Variants in DOCK1 observed in about 807,000 individuals in gnomAD.
DOCK1 encodes the protein dedicator of cytokinesis protein 1.
A neutral mutation model predicts 262.7 loss-of-function variants in DOCK1; 138 were observed. The observed-to-expected ratio is 0.53, with a 90% confidence interval of 0.46 to 0.61. The LOEUF (loss-of-function observed/expected upper bound fraction) is 0.61, where lower values mean the gene tolerates loss of function less well. Ranked by LOEUF, DOCK1 falls within the 20% of genes least tolerant of loss-of-function variation. The pLI, the probability that DOCK1 is intolerant of heterozygous loss-of-function variation, is 0.00. For missense variants in DOCK1, 1,908 were observed against 2,370.7 expected, an observed-to-expected ratio of 0.80 and a Z score of 4.05; for synonymous variants, 866 against 867.4, an observed-to-expected ratio of 1.00 and a Z score of 0.03.
At chr10:126,946,920 G>C (rs972546473) in intron 1 of DOCK1, among the ~76,000 whole-genome samples, 3 of 152,274 alleles carry the variant, frequency 2.0e-5, no homozygotes, top group Admixed American at 1.3e-4. Context: ...GGTCACAGCG[G>C]ACAGGCTCAC....
intron 25 of DOCK1, among the ~76,000 whole-genome samples, chr10:127,125,262 A>G (rs2049876222): frequency 6.6e-6 from 1 of 152,234 alleles, no homozygotes; most frequent in African/African-American, 2.4e-5. Flanking sequence ...ATACACACAT[A>G]GATGCATGGA....
At chr10:127,032,417 C>A in intron 18 of DOCK1, 97 bp downstream of exon 18, 1 of 1,298,786 alleles carries the variant, frequency 7.7e-7, no homozygotes, top group Non-Finnish European at 1.0e-6. Context: ...TCCGTAGGTG[C>A]ATGAACGTCA....
intron 22 of DOCK1, among the ~76,000 whole-genome samples, chr10:127,059,353 G>A (rs1282342469): frequency 1.3e-5 from 2 of 151,964 alleles, no homozygotes; most frequent in Non-Finnish European, 2.9e-5. Flanking sequence ...GATCAGTTTT[G>A]GAAGATTTGT....
chr10:126,952,909 G>A (rs1309135351), intron 1 of DOCK1, among the ~76,000 whole-genome samples: 1 of 151,662 alleles, frequency 6.6e-6, no homozygotes, highest in African/African-American at 2.4e-5. Flanking sequence ...TGGTGGTGGT[G>A]ATAGTATTGT....
intron 27 of DOCK1, chr10:127,138,096 T>G: frequency 7.7e-7 from 1 of 1,305,550 alleles, no homozygotes; most frequent in Non-Finnish European, 1.1e-6. Flanking sequence ...TCAGCAAGAT[T>G]TGGGCATGAT....
At chr10:127,058,120 C>T (rs780520366) in intron 22 of DOCK1, among the ~76,000 whole-genome samples, 7 of 151,184 alleles carry the variant, frequency 4.6e-5, no homozygotes, top group African/African-American at 7.4e-5. Flanking sequence ...AAAAGGATCA[C>T]GGCAAAATGC....
At chr10:126,998,011 T>C in intron 7 of DOCK1, 81 bp from the exon 8 acceptor site, 1 of 1,543,404 alleles carries the variant, frequency 6.5e-7, no homozygotes, top group East Asian at 2.3e-5. Context: ...ATTACAATTT[T>C]CTATTCTGTA....
At chr10:126,967,731 C>G (rs944947323) in intron 1 of DOCK1, among the ~76,000 whole-genome samples, 1 of 152,162 alleles carries the variant, frequency 6.6e-6, no homozygotes, top group African/African-American at 2.4e-5. Context: ...CTGACCCTCC[C>G]GTCTTCCTCT....
At chr10:126,929,115 A>G (rs2033991935) in intron 1 of DOCK1, among the ~76,000 whole-genome samples, 1 of 152,180 alleles carries the variant, frequency 6.6e-6, no homozygotes, top group African/African-American at 2.4e-5. Flanking sequence ...TTTGCATTGG[A>G]ATTGATTCTG....
At chr10:127,421,619 C>T (rs978004273) in intron 46 of DOCK1, among the ~76,000 whole-genome samples, 1 of 152,148 alleles carries the variant, frequency 6.6e-6, no homozygotes, top group South Asian at 2.1e-4. Flanking sequence ...CATTGAACGA[C>T]TTCCCCATTC....
At position 127,175,197 on chromosome 10, in the gene DOCK1, G is replaced by A. The variant is rs1564869131; in HGVS notation, c.2847+47433G>A. The A allele has an allele frequency of 2.5e-6, 4 of 1,594,340 alleles. No individual in the cohort carries two copies. Among genetic ancestry groups the A allele is most frequent in the Non-Finnish European group, 3.4e-6 (4 of 1,167,898 alleles). Reference sequence around the variant, plus strand: ...AGCCTGCATAGCTTCCTAAGACATGGGTGAACATACATACCCTTCCCGATG... The same window carrying A: ...AGCCTGCATAGCTTCCTAAGACATGAGTGAACATACATACCCTTCCCGATG... On this transcript the variant is annotated intron_variant, in intron 27 of 51. Coordinates refer to ENST00000623213, the MANE Select transcript of DOCK1 (RefSeq NM_001290223.2). The surrounding 1 kb of genome is among the most constrained non-coding windows in gnomAD (Gnocchi z 6.3).
intron 29 of DOCK1, among the ~76,000 whole-genome samples, chr10:127,288,888 C>A (rs2061256251): frequency 6.6e-6 from 1 of 151,898 alleles, no homozygotes; most frequent in African/African-American, 2.4e-5. Flanking sequence ...CAGACATACA[C>A]AATCAAGTCA....
At chr10:127,147,992 C>T (rs1379266490) in intron 27 of DOCK1, among the ~76,000 whole-genome samples, 1 of 128,560 alleles carries the variant, frequency 7.8e-6, no homozygotes, top group Admixed American at 9.9e-5. Context: ...GATTGCACCA[C>T]TGCACTCCAG....
intron 1 of DOCK1, among the ~76,000 whole-genome samples, chr10:126,910,853 T>G (rs556200465): frequency 1.0e-3 from 155 of 152,208 alleles, no homozygotes; most frequent in African/African-American, 3.4e-3. Context: ...CGGGATTGGC[T>G]TTTTTCACTC....
In DOCK1 at chr10:127,198,168, G is replaced by C. The variant is rs865944371; in HGVS notation, c.2848-49840G>C. Among the ~76,000 whole-genome samples, 18 of 152,308 alleles carry C rather than the reference G, an allele frequency of 1.2e-4. No homozygotes were observed. In the Middle Eastern group the frequency reaches 0.02, roughly 173 times the overall value. On this transcript the variant is annotated intron_variant, in intron 27 of 51. Coordinates refer to ENST00000623213, the MANE Select transcript of DOCK1 (RefSeq NM_001290223.2). ...TATGGAAACTGCAGTCCCCTCTTCTGCCTGGAAGGGGCCTGGGAAGGGAAT... is the reference window on the plus strand; with the variant it reads ...TATGGAAACTGCAGTCCCCTCTTCTCCCTGGAAGGGGCCTGGGAAGGGAAT...
chr10:127,023,542 C>CT (rs10652401), intron 14 of DOCK1, among the ~76,000 whole-genome samples: 6,512 of 124,326 alleles, frequency 0.052, 276 homozygotes, highest in Middle Eastern at 0.087. Context: ...TCCCTGTGGT[C>CT]TTTTTTTTTT....
At chr10:127,122,224 G>A (rs2049634595) in intron 25 of DOCK1, among the ~76,000 whole-genome samples, 1 of 152,194 alleles carries the variant, frequency 6.6e-6, no homozygotes, top group East Asian at 1.9e-4. Context: ...TTTCTTTGGG[G>A]GCCTGGGATG....
intron 33 of DOCK1, among the ~76,000 whole-genome samples, chr10:127,373,145 C>T (rs2065297648): frequency 6.6e-6 from 1 of 152,188 alleles, no homozygotes; most frequent in Non-Finnish European, 1.5e-5. Context: ...TTAGCTGGTA[C>T]TGGCGACCCT....
At chr10:127,080,943 T>C (rs993377543) in intron 23 of DOCK1, among the ~76,000 whole-genome samples, 4 of 152,176 alleles carry the variant, frequency 2.6e-5, no homozygotes, top group Non-Finnish European at 5.9e-5. Flanking sequence ...GTGATCTTGC[T>C]CTCAACCTTC....
Sources: allele counts gnomAD v4.1 joint callset (sites outside exome capture counted in the v4.1 genomes callset), GRCh38; gene constraint gnomAD v4.1.1; non-coding constraint Gnocchi (gnomAD v3.1); transcripts MANE v1.5; gene names NCBI Gene and HGNC (gene_info 2026-07-23, HGNC 2026-07-21).